The following MTAP variants were observed in gnomAD, a reference collection of about 807,000 sequenced individuals.
MTAP encodes S-methyl-5'-thioadenosine phosphorylase.
A neutral mutation model predicts 33.6 loss-of-function variants in MTAP; 33 were observed. The ratio of observed to expected loss-of-function variants is 0.98; its 90% CI spans 0.74 to 1.31. The LOEUF (loss-of-function observed/expected upper bound fraction) is 1.31. Among genes scored for constraint, MTAP ranks in the 40% most tolerant of loss-of-function variants. MTAP has a pLI of 0.00. For missense variants in MTAP, 367 were observed against 360.0 expected (o/e 1.02, Z -0.16); for synonymous variants, 148 against 125.7 (o/e 1.18, Z -1.19).
intron 1 of MTAP, among the ~76,000 whole-genome samples, chr9:21,878,882 TCTTGA>T (rs1169595479): frequency 4.6e-5 from 7 of 152,246 alleles, no homozygotes; most frequent in East Asian, 1.9e-4. Flanking sequence ...ATTTTTAAAA[TCTTGA>T]CTTATATTTT....
chr9:21,803,007 C>G (rs888629835), intron 1 of MTAP: 1 of 1,068,922 alleles, frequency 9.4e-7, no homozygotes, highest in East Asian at 3.1e-5. Flanking sequence ...CACACACACA[C>G]ACACACACAC....
At chr9:21,894,267 G>A (rs1667674344) in intron 1 of MTAP, among the ~76,000 whole-genome samples, 3 of 145,004 alleles carry the variant, frequency 2.1e-5, no homozygotes, top group Admixed American at 2.1e-4. Context: ...AATAATAAGA[G>A]CCATCTTTGA....
chr9:21,823,584 T>C (rs972044636), intron 4 of MTAP, among the ~76,000 whole-genome samples: 28 of 152,238 alleles, frequency 1.8e-4, no homozygotes, highest in Non-Finnish European at 1.6e-4. Flanking sequence ...CTGACAATTA[T>C]GTGTCTTGGA....
At chr9:21,891,481 C>G (rs916466573) in intron 1 of MTAP, among the ~76,000 whole-genome samples, 1 of 152,098 alleles carries the variant, frequency 6.6e-6, no homozygotes, top group African/African-American at 2.4e-5. Context: ...AAACTCACTA[C>G]AAAAATTCCA....
intron 5 of MTAP, among the ~76,000 whole-genome samples, chr9:21,844,395 C>G (rs1475102811): frequency 6.6e-6 from 1 of 152,150 alleles, no homozygotes; most frequent in Non-Finnish European, 1.5e-5. Flanking sequence ...CAGTATCCCC[C>G]TAATTACAAA....
intron 1 of MTAP, among the ~76,000 whole-genome samples, chr9:21,874,995 A>G (rs1825985436): frequency 6.6e-6 from 1 of 152,150 alleles, no homozygotes; most frequent in African/African-American, 2.4e-5. Context: ...TGTCCCTGCA[A>G]AGGACATGAA....
intron 5 of MTAP, among the ~76,000 whole-genome samples, chr9:21,843,082 G>T (rs1310483529): frequency 6.6e-6 from 1 of 152,146 alleles, no homozygotes; most frequent in Non-Finnish European, 1.5e-5. Context: ...GATATTCCAT[G>T]CAAATGGAAA....
At chr9:21,876,801 G>A (rs1826016848) in intron 1 of MTAP, among the ~76,000 whole-genome samples, 2 of 152,046 alleles carry the variant, frequency 1.3e-5, no homozygotes, top group East Asian at 3.9e-4. Flanking sequence ...GCAACGTGAT[G>A]CCTCCAGCTT....
At chr9:21,889,838 G>A (rs1267779407) in intron 1 of MTAP, among the ~76,000 whole-genome samples, 2 of 152,168 alleles carry the variant, frequency 1.3e-5, no homozygotes, top group African/African-American at 4.8e-5. Context: ...TTGGTTGTAT[G>A]TTTGTTTAGT....
chr9:21,884,568 C>T (rs1818077425), intron 1 of MTAP, among the ~76,000 whole-genome samples: 1 of 152,172 alleles, frequency 6.6e-6, no homozygotes, highest in African/African-American at 2.4e-5. Context: ...CTGGGAAGTG[C>T]AAGATAAAGT....
chr9:21,873,615 C>A (rs1476340311), intron 1 of MTAP, among the ~76,000 whole-genome samples: 2 of 107,910 alleles, frequency 1.9e-5, no homozygotes, highest in African/African-American at 7.1e-5. Flanking sequence ...CCCCCGCCCC[C>A]CACCCCAAGA....
intron 1 of MTAP, among the ~76,000 whole-genome samples, chr9:21,804,711 T>G (rs892794866): frequency 6.6e-6 from 1 of 152,150 alleles, no homozygotes; most frequent in Non-Finnish European, 1.5e-5. Context: ...TCCCAAATTA[T>G]AGAATGATGG....
rs771060724 is a variant in MTAP at position 21,802,864 on chromosome 9, GCCATGCGCCCGGC to G, written c.33+86_33+98del. ...GCGCCGGGGGACCGCGCCTCCGGGG[GCCATGCGCCCGGC>G]CCGTGCGTCCCTTGCCGCCGCGGGG... is the stretch of plus-strand genomic sequence containing the variant. On this transcript the variant is annotated intron_variant, in intron 1 of 7. Transcript: ENST00000644715. The G allele has an allele frequency of 2.1e-5, 33 of 1,570,048 alleles. No homozygotes were observed. In the African/African-American group the frequency reaches 4.4e-4, roughly 21 times the overall value.
At chr9:21,875,542 C>T (rs1413652472) in intron 1 of MTAP, among the ~76,000 whole-genome samples, 3 of 152,038 alleles carry the variant, frequency 2.0e-5, no homozygotes, top group Non-Finnish European at 4.4e-5. Flanking sequence ...CTCTGCTCCT[C>T]ACCCTCCTCC....
Position 21,863,843 on chromosome 9 carries a change from A to G in MTAP, c.*1829A>G. The G allele has an allele frequency of 2.0e-6, 2 of 985,874 alleles. No individual in the cohort carries two copies. The highest frequency in any genetic ancestry group is 2.4e-6 in the Non-Finnish European group (2 of 829,942). 61.1% of individuals were successfully genotyped at this position (985,874 alleles called of 1,614,324 possible). On this transcript the variant is annotated 3_prime_UTR_variant, in exon 8 of 8. Coordinates refer to ENST00000644715, the MANE Select transcript of MTAP (RefSeq NM_002451.4). ...ATAAGCTGCTAATTGTAAACAAAAC[A>G]GTTACCCTCCAGTATTAATATGACT...
exon 8 of MTAP, chr9:21,937,538 C>A (rs1027680557): frequency 6.6e-6 from 1 of 152,106 alleles, no homozygotes; most frequent in Non-Finnish European, 1.5e-5. Context: ...CTTTGTGCTT[C>A]GTGTTGCCTT....
intron 1 of MTAP, among the ~76,000 whole-genome samples, chr9:21,874,341 G>C (rs1357794903): frequency 2.0e-5 from 3 of 152,106 alleles, no homozygotes; most frequent in Admixed American, 6.6e-5. Flanking sequence ...CTTAATGTCA[G>C]AAAATATTTA....
intron 4 of MTAP, among the ~76,000 whole-genome samples, chr9:21,824,714 G>A (rs946813177): frequency 6.6e-6 from 1 of 152,192 alleles, no homozygotes; most frequent in East Asian, 1.9e-4. Flanking sequence ...GTCTACAGAG[G>A]CAGGCAGGCC....
At chr9:21,820,942 A>G (rs936636558) in intron 4 of MTAP, among the ~76,000 whole-genome samples, 1 of 152,200 alleles carries the variant, frequency 6.6e-6, no homozygotes, top group African/African-American at 2.4e-5. Flanking sequence ...TTATTGGTGT[A>G]TAAGAATGCT....
Sources: gnomAD v4.1 joint callset for allele counts (sites outside exome capture counted in the v4.1 genomes callset) on GRCh38, gnomAD v4.1.1 for gene constraint, MANE v1.5 for transcripts, NCBI Gene and HGNC (gene_info 2026-07-23, HGNC 2026-07-21) for gene names.